Variants in SLCO2A1 observed in about 807,000 individuals in gnomAD.
SLCO2A1 encodes solute carrier organic anion transporter family member 2A1.
SLCO2A1 carries 60 observed loss-of-function variants against 71.7 expected under a neutral mutation model. The ratio of observed to expected loss-of-function variants is 0.84; its 90% confidence interval spans 0.68 to 1.04. The LOEUF is 1.04. SLCO2A1 is among the 50% of genes least tolerant of loss of function. SLCO2A1 has a pLI of 0.00. For synonymous variants in SLCO2A1, 308 were observed against 326.7 expected, an observed-to-expected ratio of 0.94 and a Z score of 0.62; for missense variants, 745 against 813.4, an observed-to-expected ratio of 0.92 and a Z score of 1.02.
intron 3 of SLCO2A1, among the ~76,000 whole-genome samples, chr3:133,970,289 A>G (rs1270380194): frequency 1.3e-5 from 2 of 151,930 alleles, no homozygotes; most frequent in African/African-American, 4.8e-5. Flanking sequence ...CTCAGGGATG[A>G]ACTGAAACTC....
intron 1 of SLCO2A1, among the ~76,000 whole-genome samples, chr3:134,010,522 G>T (rs1174127419): frequency 6.6e-6 from 1 of 152,110 alleles, no homozygotes; most frequent in South Asian, 2.1e-4. Context: ...GGGAGGCCAA[G>T]GTGGGCGGAT....
chr3:133,977,178 C>A (rs1169481773), intron 2 of SLCO2A1, among the ~76,000 whole-genome samples: 1 of 152,186 alleles, frequency 6.6e-6, no homozygotes, highest in African/African-American at 2.4e-5. Context: ...CAGATACACA[C>A]ACACAGAGGG....
At chr3:134,014,394 T>A (rs1484323969) in intron 1 of SLCO2A1, among the ~76,000 whole-genome samples, 4 of 152,074 alleles carry the variant, frequency 2.6e-5, no homozygotes, top group Non-Finnish European at 5.9e-5. Flanking sequence ...CAGAGTATCA[T>A]CCCATCCTTC....
At chr3:133,936,021 G>T in intron 12 of SLCO2A1, 124 bp from the exon 13 acceptor site, 2 of 928,778 alleles carry the variant, frequency 2.2e-6, no homozygotes, top group Non-Finnish European at 1.5e-6. Flanking sequence ...GTACCCATAG[G>T]ACTCACAGTG....
chr3:133,947,304 AACAAAGGAAC>A lies in SLCO2A1; in HGVS notation c.1237_1246del (p.Val413SerfsTer64), dbSNP rs765698717. On this transcript the variant is annotated frameshift_variant, in exon 9 of 14. Transcript: ENST00000310926. LOFTEE classifies it high-confidence loss of function. ...AGTTGGGGTGGAGCATCCCATGAAG[AACAAAGGAAC>A]ACAAAGGATCATGGAGATGGTGATG... 1.9e-6 allele frequency: 3 copies of A among 1,614,158 alleles called. No homozygotes were observed. The highest frequency in any genetic ancestry group is 2.2e-5 in the South Asian group (2 of 91,086).
chr3:133,996,098 A>G (rs1286184266), intron 1 of SLCO2A1, among the ~76,000 whole-genome samples: 1 of 152,142 alleles, frequency 6.6e-6, no homozygotes, highest in East Asian at 1.9e-4. Context: ...CTTTGCAGTG[A>G]GGAGGAGAGG....
chr3:133,964,075 G>A (rs59032318), intron 3 of SLCO2A1, among the ~76,000 whole-genome samples: 34,732 of 152,156 alleles, frequency 0.23, 4,176 homozygotes, highest in East Asian at 0.32. Flanking sequence ...TTTATAAAAT[G>A]ATTCCTATGG....
chr3:133,972,798 G>A (rs923865644), intron 3 of SLCO2A1, among the ~76,000 whole-genome samples: 1 of 152,116 alleles, frequency 6.6e-6, no homozygotes, highest in Non-Finnish European at 1.5e-5. Flanking sequence ...GGGTAAAATA[G>A]AGGCATTTTC....
At position 133,967,458 on chromosome 3, in the gene SLCO2A1, G is replaced by A. The variant is rs776310273; in HGVS notation, c.397+6205C>T. Reference sequence around the variant, plus strand: ...CGCTCCTTCCCGGGCCTTCTCTACCGCAGTCTAGTGTTTTCTATCATTTCT... The same window carrying A: ...CGCTCCTTCCCGGGCCTTCTCTACCACAGTCTAGTGTTTTCTATCATTTCT... On this transcript the variant is annotated intron_variant, in intron 3 of 13. Coordinates refer to ENST00000310926, the MANE Select transcript of SLCO2A1 (RefSeq NM_005630.3). 7.2e-4 allele frequency among the ~76,000 whole-genome samples: 109 copies of A among 152,232 alleles called. 1 individual carries two copies. The highest frequency in any genetic ancestry group is 8.5e-4 in the Admixed American group (13 of 15,298).
At chr3:133,998,275 T>A (rs1365741208) in intron 1 of SLCO2A1, among the ~76,000 whole-genome samples, 3 of 152,212 alleles carry the variant, frequency 2.0e-5, no homozygotes, top group Admixed American at 6.5e-5. Flanking sequence ...GTCACTTTAT[T>A]TTTAAATTCT....
chr3:134,006,199 C>T (rs1253809964), intron 1 of SLCO2A1, among the ~76,000 whole-genome samples: 1 of 152,066 alleles, frequency 6.6e-6, no homozygotes, highest in South Asian at 2.1e-4. Context: ...CCATGCCTGG[C>T]TAATTTTTTT....
At chr3:134,023,629 T>A (rs1367434424) in intron 1 of SLCO2A1, among the ~76,000 whole-genome samples, 2 of 152,340 alleles carry the variant, frequency 1.3e-5, no homozygotes, top group East Asian at 3.9e-4. Flanking sequence ...TTTTTGTAAT[T>A]TCCTAAAATC....
chr3:134,014,713 G>A (rs1013939234), intron 1 of SLCO2A1, among the ~76,000 whole-genome samples: 4 of 152,174 alleles, frequency 2.6e-5, no homozygotes, highest in African/African-American at 9.7e-5. Context: ...GCTGGTGGAT[G>A]AGAGAATCCA....
At position 134,029,381 on chromosome 3, in the gene SLCO2A1, T is replaced by G. The variant is rs541657783; in HGVS notation, c.96+326A>C. ...GATCTTTTTCAATCATCGAGGACAA[T>G]TCTCTCGCTTATAACTCTGCCTGGA... On this transcript the variant is annotated intron_variant, in intron 1 of 13. Coordinates refer to ENST00000310926, the MANE Select transcript of SLCO2A1 (RefSeq NM_005630.3). Among the ~76,000 whole-genome samples the G allele has an allele frequency of 2.6e-5, 4 of 152,228 alleles. No individual in the cohort carries two copies. In the East Asian group the frequency reaches 7.8e-4, roughly 30 times the overall value.
chr3:133,994,166 T>C (rs2108066051), intron 1 of SLCO2A1, among the ~76,000 whole-genome samples: 1 of 152,362 alleles, frequency 6.6e-6, no homozygotes, highest in Non-Finnish European at 1.5e-5. Flanking sequence ...ATTTTCTGTG[T>C]CTGGCGGACT....
At chr3:133,963,653 G>C (rs1559937753) in intron 3 of SLCO2A1, among the ~76,000 whole-genome samples, 1 of 152,198 alleles carries the variant, frequency 6.6e-6, no homozygotes, top group South Asian at 2.1e-4. Flanking sequence ...GGGTCAAATG[G>C]GGAAGAGGTT....
intron 12 of SLCO2A1, among the ~76,000 whole-genome samples, chr3:133,936,494 C>T (rs771772177): frequency 2.0e-5 from 3 of 152,220 alleles, no homozygotes; most frequent in Non-Finnish European, 4.4e-5. Context: ...GGACCCCGAA[C>T]TTCCCAGCAG....
chr3:133,991,059 A>G (rs1934830621), intron 1 of SLCO2A1, among the ~76,000 whole-genome samples: 1 of 152,112 alleles, frequency 6.6e-6, no homozygotes, highest in African/African-American at 2.4e-5. Context: ...GCAGTGAGCC[A>G]AGATCGCACC....
rs1157480250 is a variant in SLCO2A1, at chr3:133,955,068, C to A, written c.523G>T (p.Val175Phe). The A allele has an allele frequency of 6.2e-7, 1 of 1,614,066 alleles. No homozygotes were observed. The highest frequency in any genetic ancestry group is 8.5e-7 in the Non-Finnish European group (1 of 1,180,026). ...ETSSMWGLMV[V>F]AQLLAGIGTV... The stretch of plus-strand genomic sequence containing the variant: ...CCGATGCCAGCCAGCAGCTGGGCAA[C>A]CACCATCAGGCCCCACATGCTGCTG... Residue 175 changes from valine (V) to phenylalanine (F), a missense_variant, in exon 4 of 14, where the codon GTT (valine) becomes TTT (phenylalanine). Coordinates refer to ENST00000310926, the MANE Select transcript of SLCO2A1 (RefSeq NM_005630.3).
Sources: gnomAD v4.1 joint callset for allele counts (sites outside exome capture counted in the v4.1 genomes callset) on GRCh38, gnomAD v4.1.1 for gene constraint, MANE v1.5 for transcripts, NCBI Gene and HGNC (gene_info 2026-07-23, HGNC 2026-07-21) for gene names.